GRM7: variants seen among roughly 807,000 people sequenced by gnomAD.
The protein encoded by GRM7 is glutamate metabotropic receptor 7, also known as metabotropic glutamate receptor 7.
In GRM7, 35 loss-of-function variants were observed where a neutral mutation model predicts 84.5. The observed-to-expected ratio is 0.41, with a 90% CI of 0.32 to 0.55. GRM7 has a LOEUF of 0.55. Among genes scored for constraint, GRM7 ranks in the 20% least tolerant of loss-of-function variants. The probability of loss-of-function intolerance (pLI) is 0.19; values close to 1 mark genes in which losing one functional copy is unlikely to be tolerated. For synonymous variants in GRM7, 487 were observed against 455.1 expected (o/e 1.07, Z -0.89); for missense variants, 1,003 against 1,194.6 (o/e 0.84, Z 2.36).
chr3:7,070,389 T>C lies in GRM7; in HGVS notation c.520-76063T>C, dbSNP rs145206341. On this transcript the variant is annotated intron_variant, in intron 1 of 9. Transcript: ENST00000357716. ...TCCACATTCCATATGCTTAACACTTTTCTTCTGATTGAATGATTTGCATTA... is the reference window on the plus strand; with the variant it reads ...TCCACATTCCATATGCTTAACACTTCTCTTCTGATTGAATGATTTGCATTA... 2.0e-3 allele frequency among the ~76,000 whole-genome samples: 301 copies of C among 152,268 alleles called. 1 individual carries two copies. The highest frequency in any genetic ancestry group is 2.4e-3 in the Admixed American group (36 of 15,270).
chr3:7,478,017 T>G (rs1177046119), intron 7 of GRM7, among the ~76,000 whole-genome samples: 1 of 152,104 alleles, frequency 6.6e-6, no homozygotes, highest in East Asian at 1.9e-4. Context: ...TGTGAGTGGA[T>G]TTTTTTGAAT....
At chr3:7,613,492 C>G (rs117972400) in intron 8 of GRM7, among the ~76,000 whole-genome samples, 28 of 152,052 alleles carry the variant, frequency 1.8e-4, no homozygotes, top group Non-Finnish European at 3.5e-4. Context: ...GAAAAATAAA[C>G]ATAAGGTACC....
chr3:7,246,309 C>T lies in GRM7; in HGVS notation c.737-52375C>T, dbSNP rs368635871. ...CTACCTGGGAAGTACTATAAGTACC[C>T]GGTGGGGAGCCTTAAATTTAGGCTT... On this transcript the variant is annotated intron_variant, in intron 2 of 9. Coordinates refer to ENST00000357716, the MANE Select transcript of GRM7 (RefSeq NM_000844.4). Among the ~76,000 whole-genome samples the T allele has an allele frequency of 6.2e-4, 94 of 152,170 alleles. No homozygotes were observed. The East Asian group carries it at 0.013, about 21-fold the overall frequency.
chr3:7,219,295 A>G (rs1352799971), intron 2 of GRM7, among the ~76,000 whole-genome samples: 1 of 152,090 alleles, frequency 6.6e-6, no homozygotes, highest in African/African-American at 2.4e-5. Flanking sequence ...TGAACGCTAC[A>G]CCTGGGAGAT....
intron 4 of GRM7, among the ~76,000 whole-genome samples, chr3:7,401,189 G>A (rs542367684): frequency 5.6e-4 from 85 of 152,208 alleles, no homozygotes; most frequent in African/African-American, 1.8e-3. Flanking sequence ...TGACGAAGAA[G>A]CAATCCCTGG....
chr3:7,429,786 C>G (rs1348279114), intron 5 of GRM7, among the ~76,000 whole-genome samples: 1 of 152,108 alleles, frequency 6.6e-6, no homozygotes, highest in Non-Finnish European at 1.5e-5. Flanking sequence ...ATCTCCCTGG[C>G]ATTAAAGAGT....
intron 4 of GRM7, among the ~76,000 whole-genome samples, chr3:7,313,915 G>GGAGA (rs35959092): frequency 2.9e-4 from 44 of 149,784 alleles, no homozygotes; most frequent in African/African-American, 9.1e-4. Flanking sequence ...GTTGTAAAAT[G>GGAGA]GAGAGAGAGA....
At chr3:7,710,323 C>A (rs139351932) in intron 9 of GRM7, among the ~76,000 whole-genome samples, 1 of 152,138 alleles carries the variant, frequency 6.6e-6, no homozygotes, top group Admixed American at 6.5e-5. Flanking sequence ...AAAACCTCAA[C>A]ATGAAAATGC....
intron 7 of GRM7, among the ~76,000 whole-genome samples, chr3:7,493,927 C>T (rs1699611747): frequency 6.6e-6 from 1 of 151,994 alleles, no homozygotes; most frequent in African/African-American, 2.4e-5. Context: ...TTTTGTGAAA[C>T]TTGGAAACCT....
intron 1 of GRM7, among the ~76,000 whole-genome samples, chr3:7,016,758 G>T (rs1253129180): frequency 6.6e-6 from 1 of 152,112 alleles, no homozygotes. Context: ...AATATGTGAC[G>T]TATTCATTTT....
intron 2 of GRM7, among the ~76,000 whole-genome samples, chr3:7,248,961 A>G (rs1697876843): frequency 6.6e-6 from 1 of 152,166 alleles, no homozygotes; most frequent in Non-Finnish European, 1.5e-5. Flanking sequence ...AAAGATATTT[A>G]AAATCCAGGA....
chr3:7,226,889 A>C (rs1247009599), intron 2 of GRM7, among the ~76,000 whole-genome samples: 1 of 152,166 alleles, frequency 6.6e-6, no homozygotes, highest in African/African-American at 2.4e-5. Context: ...TTGTTTCAGA[A>C]TTGAACCACA....
At chr3:7,383,176 ATGGAAAATGATTTAAGATGTTTAATTTAG>A (rs1694655966) in intron 4 of GRM7, among the ~76,000 whole-genome samples, 2 of 152,194 alleles carry the variant, frequency 1.3e-5, no homozygotes, top group Admixed American at 6.5e-5. Context: ...ATAGGTTCTC[ATGGAAAATGATTTAAGATGTTTAATTTAG>A]ATACAATAAA....
At chr3:7,072,293 G>C (rs1041034910) in intron 1 of GRM7, among the ~76,000 whole-genome samples, 3 of 152,088 alleles carry the variant, frequency 2.0e-5, no homozygotes, top group Non-Finnish European at 4.4e-5. Flanking sequence ...GAAACTCTGA[G>C]ACCTTAAATA....
At chr3:7,020,747 C>A (rs1020235142) in intron 1 of GRM7, among the ~76,000 whole-genome samples, 1 of 152,146 alleles carries the variant, frequency 6.6e-6, no homozygotes, top group Admixed American at 6.5e-5. Context: ...TTCATTTATG[C>A]ATTTGCTTAT....
At chr3:7,230,849 A>T (rs1357429224) in intron 2 of GRM7, among the ~76,000 whole-genome samples, 1 of 152,208 alleles carries the variant, frequency 6.6e-6, no homozygotes, top group Non-Finnish European at 1.5e-5. Flanking sequence ...TCTGGGAAGC[A>T]GCTATTGCAT....
intron 5 of GRM7, among the ~76,000 whole-genome samples, chr3:7,439,717 G>T (rs1045857067): frequency 2.0e-5 from 3 of 152,186 alleles, no homozygotes; most frequent in Non-Finnish European, 2.9e-5. Context: ...ATGGGGCTAT[G>T]CAAGGGGGAA....
chr3:7,223,896 C>G (rs1024671111), intron 2 of GRM7, among the ~76,000 whole-genome samples: 1 of 152,178 alleles, frequency 6.6e-6, no homozygotes, highest in Admixed American at 6.5e-5. Context: ...GCTGTTCTAT[C>G]ACTCACTTTT....
chr3:7,130,796 T>G (rs1693570028), intron 1 of GRM7, among the ~76,000 whole-genome samples: 1 of 152,140 alleles, frequency 6.6e-6, no homozygotes, highest in Non-Finnish European at 1.5e-5. Flanking sequence ...AAAAGTCAGT[T>G]TCTGGATGTA....
Sources: allele counts gnomAD v4.1 joint callset (sites outside exome capture counted in the v4.1 genomes callset), GRCh38; gene constraint gnomAD v4.1.1; transcripts MANE v1.5; gene names NCBI Gene and HGNC (gene_info 2026-07-23, HGNC 2026-07-21).